The following RAB39A variants were observed in gnomAD, a reference collection of about 807,000 sequenced individuals.
The protein encoded by RAB39A is RAB39A, member RAS oncogene family.
Under a neutral mutation model 20.9 loss-of-function variants are expected in RAB39A, and 17 were observed. The ratio of observed to expected loss-of-function variants is 0.81; its 90% CI spans 0.56 to 1.22. RAB39A has a LOEUF of 1.22. Ranked by LOEUF, RAB39A falls within the 50% of genes most tolerant of loss-of-function variation. The pLI is 0.00. For missense variants in RAB39A, 234 were observed against 270.5 expected (o/e 0.87, Z 0.95); for synonymous variants, 99 against 103.4 (o/e 0.96, Z 0.26).
At chr11:107,945,849 G>T (rs889317676) in intron 1 of RAB39A, among the ~76,000 whole-genome samples, 1 of 152,148 alleles carries the variant, frequency 6.6e-6, no homozygotes, top group South Asian at 2.1e-4. Context: ...GCATTTTGAG[G>T]TTGGGGTTCC....
rs990670382 is a variant in RAB39A, at chr11:107,931,166, G to A, written c.227+2371G>A. Among the ~76,000 whole-genome samples, 3 of 151,934 alleles carry A rather than the reference G, an allele frequency of 2.0e-5. No individual in the cohort carries two copies. In the East Asian group the frequency reaches 5.9e-4, roughly 30 times the overall value. ...TAATTTTGTATTTTTAGTAGAGACG[G>A]GGATTTCCCCATGTTGGTCAGGCTG... On this transcript the variant is annotated intron_variant, in intron 1 of 1. Transcript: ENST00000320578.
At chr11:107,938,293 G>A (rs932215517) in intron 1 of RAB39A, among the ~76,000 whole-genome samples, 3 of 147,244 alleles carry the variant, frequency 2.0e-5, no homozygotes, top group Admixed American at 7.1e-5. Flanking sequence ...CCAGGAAGAG[G>A]AGGTTGCAGT....
At chr11:107,929,763 G>C (rs1320813384) in intron 1 of RAB39A, among the ~76,000 whole-genome samples, 1 of 152,188 alleles carries the variant, frequency 6.6e-6, no homozygotes, top group African/African-American at 2.4e-5. Context: ...CTGAATATTT[G>C]AGATGGAAGC....
chr11:107,930,042 A>T (rs1229071596), intron 1 of RAB39A, among the ~76,000 whole-genome samples: 1 of 152,180 alleles, frequency 6.6e-6, no homozygotes, highest in Non-Finnish European at 1.5e-5. Flanking sequence ...ATGGTCCAAC[A>T]TTCAAAGTTT....
At chr11:107,933,994 A>G (rs1026749809) in intron 1 of RAB39A, among the ~76,000 whole-genome samples, 1 of 152,170 alleles carries the variant, frequency 6.6e-6, no homozygotes, top group Non-Finnish European at 1.5e-5. Flanking sequence ...TGATCAAGTA[A>G]GTTTGGAAAT....
At chr11:107,947,807 C>CAAAAAAA (rs35694249) in intron 1 of RAB39A, among the ~76,000 whole-genome samples, 61 of 80,184 alleles carry the variant, frequency 7.6e-4, no homozygotes, top group East Asian at 9.7e-4. Context: ...CATCAACAGG[C>CAAAAAAA]AAAAAAAAAA....
intron 1 of RAB39A, among the ~76,000 whole-genome samples, chr11:107,939,504 G>A (rs539135121): frequency 1.5e-4 from 23 of 151,148 alleles, no homozygotes; most frequent in Admixed American, 4.6e-4. Flanking sequence ...AGTCCCAGCT[G>A]GAGGCTGAGG....
At chr11:107,948,665 C>T (rs1020496369) in intron 1 of RAB39A, among the ~76,000 whole-genome samples, 1 of 152,030 alleles carries the variant, frequency 6.6e-6, no homozygotes, top group African/African-American at 2.4e-5. Flanking sequence ...TGGTCTCGAT[C>T]TCTTGACCTC....
rs1402589077 is a variant in RAB39A, at chr11:107,932,188, A to G, written c.227+3393A>G. 2.0e-5 allele frequency among the ~76,000 whole-genome samples: 3 copies of G among 152,334 alleles called. No individual in the cohort carries two copies. In the East Asian group the frequency reaches 5.8e-4, roughly 29 times the overall value. The stretch of plus-strand genomic sequence containing the variant: ...AGCCTTAGTTTTCAATGTTCAGACT[A>G]ACATGCTAATAGAGGCTAACTACTT... On this transcript the variant is annotated intron_variant, in intron 1 of 1. Transcript: ENST00000320578.
At chr11:107,946,322 A>ATT (rs1269166281) in intron 1 of RAB39A, among the ~76,000 whole-genome samples, 2 of 98,512 alleles carry the variant, frequency 2.0e-5, no homozygotes, top group Non-Finnish European at 4.8e-5. Flanking sequence ...ATATATATAT[A>ATT]TATACACACA....
chr11:107,951,278 A>G (rs1451689412), intron 1 of RAB39A, among the ~76,000 whole-genome samples: 1 of 152,222 alleles, frequency 6.6e-6, no homozygotes, highest in African/African-American at 2.4e-5. Flanking sequence ...AAGGCAAGTG[A>G]AGCAAATAAA....
chr11:107,946,593 C>A (rs1166973763), intron 1 of RAB39A, among the ~76,000 whole-genome samples: 1 of 144,756 alleles, frequency 6.9e-6, no homozygotes, highest in African/African-American at 2.6e-5. Flanking sequence ...CTGCCTCAAT[C>A]TCCCAAGTAG....
At chr11:107,942,098 CAAAAAAAAA>C (rs10537482) in intron 1 of RAB39A, among the ~76,000 whole-genome samples, 1 of 83,750 alleles carries the variant, frequency 1.2e-5, no homozygotes, top group Non-Finnish European at 2.1e-5. Context: ...GATTCCATCT[CAAAAAAAAA>C]AAAAAAAAAA....
intron 1 of RAB39A, among the ~76,000 whole-genome samples, chr11:107,956,644 G>T (rs1188840749): frequency 6.6e-6 from 1 of 152,194 alleles, no homozygotes; most frequent in Non-Finnish European, 1.5e-5. Context: ...GAGGAAAAAA[G>T]GAAGAGTTTC....
At chr11:107,959,142 G>T (rs989287315) in intron 1 of RAB39A, among the ~76,000 whole-genome samples, 2 of 151,770 alleles carry the variant, frequency 1.3e-5, no homozygotes, top group African/African-American at 4.8e-5. Context: ...GAAAAGAAAA[G>T]AAAACATAGT....
chr11:107,941,976 G>A (rs942018064), intron 1 of RAB39A, among the ~76,000 whole-genome samples: 11 of 151,682 alleles, frequency 7.3e-5, no homozygotes, highest in Admixed American at 2.0e-4. Flanking sequence ...GCAGACACCT[G>A]TAATCCCAGC....
rs1245655984 is a variant in RAB39A, at chr11:107,928,460, A to T, written c.-109A>T. The T allele has an allele frequency of 1.3e-6, 1 of 791,686 alleles. No homozygotes were observed. The highest frequency in any genetic ancestry group is 3.8e-5 in the Admixed American group (1 of 26,224). The allele number at this position is 791,686 out of a possible 1,614,324, so 49.0% of individuals were successfully genotyped here. ...AGGCGGCGGCCGCAGCCGCAGGAAT[A>T]TGCTGGAAGGCGGCGGGCGGGCGCC... is the stretch of plus-strand genomic sequence containing the variant. On this transcript the variant is annotated 5_prime_UTR_variant, in exon 1 of 2. It removes an upstream start codon present in the reference 5' UTR. Coordinates refer to ENST00000320578, the MANE Select transcript of RAB39A (RefSeq NM_017516.3). This position sits in a 1 kb window ranked among gnomAD's most constrained non-coding sequence, Gnocchi z 4.9.
Position 107,955,581 on chromosome 11 carries a change from G to A in RAB39A, c.228-6365G>A, listed in dbSNP as rs550594306. ...CCAAAATTAAAAACGGTTCACGCCTGTAATCCTAGCACTTTGGGAGGCCGA... is the reference window on the plus strand; with the variant it reads ...CCAAAATTAAAAACGGTTCACGCCTATAATCCTAGCACTTTGGGAGGCCGA... On this transcript the variant is annotated intron_variant, in intron 1 of 1. Coordinates refer to ENST00000320578, the MANE Select transcript of RAB39A (RefSeq NM_017516.3). Among the ~76,000 whole-genome samples, 20 of 152,236 alleles carry A rather than the reference G, an allele frequency of 1.3e-4. No homozygotes were observed. The South Asian group carries it at 2.3e-3, about 17-fold the overall frequency.
intron 1 of RAB39A, among the ~76,000 whole-genome samples, chr11:107,939,258 A>G (rs1861234313): frequency 6.7e-6 from 1 of 148,898 alleles, no homozygotes; most frequent in Non-Finnish European, 1.5e-5. Flanking sequence ...AAAAAAAAAA[A>G]AAAAAGAGAG....
Sources: gnomAD v4.1 joint callset for allele counts (sites outside exome capture counted in the v4.1 genomes callset) on GRCh38, gnomAD v4.1.1 for gene constraint, Gnocchi (gnomAD v3.1) non-coding constraint, MANE v1.5 for transcripts, NCBI Gene and HGNC (gene_info 2026-07-23, HGNC 2026-07-21) for gene names.